The following RALYL variants were observed in gnomAD, a reference collection of about 807,000 sequenced individuals.
RALYL encodes the protein RNA-binding Raly-like protein.
RALYL carries 29 observed loss-of-function variants against 35.1 expected under a neutral mutation model. The ratio of observed to expected loss-of-function variants is 0.83; its 90% CI spans 0.61 to 1.13. The LOEUF is 1.13. Ranked by LOEUF, RALYL falls within the 50% of genes most tolerant of loss-of-function variation. The pLI, the probability that RALYL is intolerant of heterozygous loss-of-function variation, is 0.00. For missense variants in RALYL, 359 were observed against 360.4 expected, an observed-to-expected ratio of 1.00 and a Z score of 0.03; for synonymous variants, 120 against 127.6, an observed-to-expected ratio of 0.94 and a Z score of 0.40.
At chr8:84,291,954 T>C (rs1838842166) in intron 1 of RALYL, among the ~76,000 whole-genome samples, 2 of 149,870 alleles carry the variant, frequency 1.3e-5, no homozygotes, top group East Asian at 1.9e-4. Flanking sequence ...TATTATATAA[T>C]ACATGCATTA....
At chr8:84,794,609 A>T (rs1374192518) in intron 3 of RALYL, among the ~76,000 whole-genome samples, 1 of 152,108 alleles carries the variant, frequency 6.6e-6, no homozygotes, top group Non-Finnish European at 1.5e-5. Context: ...AATTGTGTGG[A>T]CTCCCTTCCA....
intron 2 of RALYL, chr8:84,706,163 T>A: frequency 1.8e-6 from 2 of 1,085,090 alleles, no homozygotes; most frequent in Non-Finnish European, 2.7e-6. Flanking sequence ...ATCCTGGTAG[T>A]AGAAAAGATA....
chr8:84,580,898 A>T (rs1397311566), intron 2 of RALYL, among the ~76,000 whole-genome samples: 2 of 152,180 alleles, frequency 1.3e-5, no homozygotes, highest in African/African-American at 4.8e-5. Flanking sequence ...ACAGCCTTGA[A>T]GGTAAGTCTT....
chr8:84,757,213 T>C (rs781154838), intron 2 of RALYL, among the ~76,000 whole-genome samples: 1 of 152,126 alleles, frequency 6.6e-6, no homozygotes, highest in Non-Finnish European at 1.5e-5. Flanking sequence ...TCAGGCCTGA[T>C]ATGATGCCTG....
intron 2 of RALYL, chr8:84,679,501 T>C (rs1588956160): frequency 5.8e-6 from 2 of 341,932 alleles, no homozygotes; most frequent in Non-Finnish European, 1.2e-5. Context: ...ATTGAGTTAT[T>C]GGATATTAAC....
chr8:84,649,126 G>T (rs1333344158), intron 2 of RALYL, among the ~76,000 whole-genome samples: 1 of 151,986 alleles, frequency 6.6e-6, no homozygotes, highest in African/African-American at 2.4e-5. Context: ...CATAAGGATT[G>T]CATATGTTGT....
intron 1 of RALYL, among the ~76,000 whole-genome samples, chr8:84,512,479 AT>A (rs2057704357): frequency 6.6e-6 from 1 of 151,954 alleles, no homozygotes; most frequent in African/African-American, 2.4e-5. Flanking sequence ...CATTCAACAG[AT>A]TGTCTCCCCA....
intron 8 of RALYL, among the ~76,000 whole-genome samples, chr8:84,916,752 T>A (rs1302831657): frequency 6.6e-6 from 1 of 152,014 alleles, no homozygotes. Context: ...CAAATATCCA[T>A]AAAGAATATG....
chr8:84,569,314 C>T (rs1457646665), intron 2 of RALYL, among the ~76,000 whole-genome samples: 2 of 151,964 alleles, frequency 1.3e-5, no homozygotes, highest in African/African-American at 4.8e-5. Context: ...AATCCTTTCC[C>T]CATTTCTTGT....
chr8:84,910,841 T>C (rs1176215902), intron 8 of RALYL, among the ~76,000 whole-genome samples: 1 of 151,902 alleles, frequency 6.6e-6, no homozygotes, highest in African/African-American at 2.4e-5. Flanking sequence ...ATTGTATATT[T>C]ATATGAAAAC....
chr8:84,414,551 T>C (rs958886727), intron 1 of RALYL, among the ~76,000 whole-genome samples: 2 of 152,212 alleles, frequency 1.3e-5, no homozygotes, highest in African/African-American at 2.4e-5. Context: ...TGATTACTTC[T>C]AAGATAAATG....
Position 84,804,798 on chromosome 8 carries a change from G to A in RALYL, c.361G>A (p.Val121Ile). The change falls in exon 4 of 9, where the codon GTT becomes ATT. Residue 121 changes from valine (V) to isoleucine (I), a missense_variant. By Grantham distance (29) the Val-to-Ile change is conservative. Coordinates refer to ENST00000521268, the MANE Select transcript of RALYL (RefSeq NM_173848.7). Reference protein sequence around the residue: ...RLESKEPFLSVGGYVFDYDYY... With the variant: ...RLESKEPFLSIGGYVFDYDYY... Reference sequence around the variant, plus strand: ...TGAATCAAAGGAACCTTTCCTGTCTGTTGGGTAAGTATATATTTAAATACT... The same window carrying A: ...TGAATCAAAGGAACCTTTCCTGTCTATTGGGTAAGTATATATTTAAATACT... 1 of 1,151,700 alleles carries A rather than the reference G, an allele frequency of 8.7e-7. No individual in the cohort carries two copies. Among genetic ancestry groups the A allele is most frequent in the Non-Finnish European group, 1.1e-6 (1 of 877,150 alleles). The allele number at this position is 1,151,700 out of a possible 1,614,324, so 71.3% of individuals were successfully genotyped here. A position where few individuals can be genotyped will look rare whatever the true frequency, so the allele number is the denominator to read the frequency against.
chr8:84,205,090 G>A (rs918569950), intron 1 of RALYL, among the ~76,000 whole-genome samples: 4 of 152,014 alleles, frequency 2.6e-5, no homozygotes, highest in African/African-American at 9.7e-5. Context: ...TATATGCTAG[G>A]TTAACTAGGA....
chr8:84,419,491 G>A (rs2045192659), intron 1 of RALYL, among the ~76,000 whole-genome samples: 1 of 151,186 alleles, frequency 6.6e-6, no homozygotes, highest in Non-Finnish European at 1.5e-5. Context: ...TACTTGGCTA[G>A]TACTATCCTG....
intron 8 of RALYL, among the ~76,000 whole-genome samples, chr8:84,888,729 TTTA>T (rs1843321197): frequency 6.6e-6 from 1 of 152,102 alleles, no homozygotes; most frequent in Non-Finnish European, 1.5e-5. Flanking sequence ...TTATGGCACC[TTTA>T]TTATTTTTTG....
intron 1 of RALYL, among the ~76,000 whole-genome samples, chr8:84,247,594 A>T (rs1829368584): frequency 6.6e-6 from 1 of 152,014 alleles, no homozygotes. Flanking sequence ...ATAGAATAGG[A>T]CGCAGGCTTT....
At chr8:84,541,083 G>A (rs2059987711) in intron 2 of RALYL, among the ~76,000 whole-genome samples, 2 of 150,736 alleles carry the variant, frequency 1.3e-5, no homozygotes, top group African/African-American at 4.9e-5. Flanking sequence ...TTTCTCTATG[G>A]CATGTTTGTT....
chr8:84,707,335 G>A (rs1038385210), intron 2 of RALYL, among the ~76,000 whole-genome samples: 7 of 152,104 alleles, frequency 4.6e-5, no homozygotes, highest in African/African-American at 1.7e-4. Context: ...TAATTTTCTT[G>A]TGATTTCCTC....
intron 8 of RALYL, among the ~76,000 whole-genome samples, chr8:84,917,989 C>T (rs983578599): frequency 5.3e-5 from 8 of 152,022 alleles, no homozygotes; most frequent in African/African-American, 1.9e-4. Context: ...TGAATGATTA[C>T]TCAAGAAACA....
Sources: allele counts gnomAD v4.1 joint callset (sites outside exome capture counted in the v4.1 genomes callset), GRCh38; gene constraint gnomAD v4.1.1; transcripts MANE v1.5; gene names NCBI Gene and HGNC (gene_info 2026-07-23, HGNC 2026-07-21).